ANK2: variants seen among roughly 807,000 people sequenced by gnomAD.
ANK2 encodes the protein ankyrin 2.
Under a neutral mutation model 360.5 loss-of-function variants are expected in ANK2, and 83 were observed. The ratio of observed to expected loss-of-function variants is 0.23; its 90% CI spans 0.19 to 0.28. The LOEUF is 0.28. Ranked by LOEUF, ANK2 falls within the 10% of genes least tolerant of loss-of-function variation. The probability of loss-of-function intolerance (pLI) is 1.00; values close to 1 mark genes in which losing one functional copy is unlikely to be tolerated. For synonymous variants in ANK2, 1,740 were observed against 1,759.5 expected (o/e 0.99, Z 0.28); for missense variants, 4,201 against 4,795.7 (o/e 0.88, Z 3.66).
chr4:112,928,785 C>T (rs1348221740), intron 2 of ANK2, among the ~76,000 whole-genome samples: 1 of 152,034 alleles, frequency 6.6e-6, no homozygotes, highest in Non-Finnish European at 1.5e-5. Flanking sequence ...ACACTTCGAT[C>T]TTGAACTTTT....
the ANK2 span, chr4:112,738,997 G>T: frequency 1.5e-6 from 1 of 668,340 alleles, no homozygotes. Flanking sequence ...ACTGTGCTGA[G>T]GTCGCTCACA....
At chr4:112,877,279 C>G (rs1004355888) in intron 1 of ANK2, among the ~76,000 whole-genome samples, 1 of 152,200 alleles carries the variant, frequency 6.6e-6, no homozygotes, top group African/African-American at 2.4e-5. Context: ...AGAATGCCCA[C>G]CACAATAATT....
chr4:112,731,716 G>T, the ANK2 span, among the ~76,000 whole-genome samples: 1 of 151,504 alleles, frequency 6.6e-6, no homozygotes, highest in Non-Finnish European at 1.5e-5. Context: ...CTGGGCAACA[G>T]AGTGAGACCT....
At chr4:113,209,112 C>T (rs543201720) in intron 4 of ANK2, among the ~76,000 whole-genome samples, 1 of 151,826 alleles carries the variant, frequency 6.6e-6, no homozygotes, top group East Asian at 1.9e-4. Flanking sequence ...AAATAAATGG[C>T]CAGATGATTG....
chr4:112,815,012 C>CT (rs66513268), upstream of ANK2, among the ~76,000 whole-genome samples: 302 of 145,458 alleles, frequency 2.1e-3, 1 homozygote, highest in Middle Eastern at 0.011. Context: ...CAAAAAGACA[C>CT]TTTTTTTTTT....
the ANK2 span, among the ~76,000 whole-genome samples, chr4:112,768,225 A>G: frequency 6.6e-6 from 1 of 152,102 alleles, no homozygotes; most frequent in Non-Finnish European, 1.5e-5. Context: ...AGCATTTGGT[A>G]CTATTGTTCA....
chr4:112,871,886 G>A (rs985360128), intron 1 of ANK2, among the ~76,000 whole-genome samples: 2 of 152,078 alleles, frequency 1.3e-5, no homozygotes, highest in Non-Finnish European at 2.9e-5. Context: ...TGTTGATATG[G>A]CATATTACAT....
the ANK2 span, among the ~76,000 whole-genome samples, chr4:112,749,937 G>A: frequency 6.6e-6 from 1 of 152,002 alleles, no homozygotes; most frequent in Non-Finnish European, 1.5e-5. Flanking sequence ...GTAGAGATGG[G>A]GTTTCACCGT....
chr4:113,325,535 A>G (rs1304138172), intron 26 of ANK2, among the ~76,000 whole-genome samples: 2 of 152,198 alleles, frequency 1.3e-5, no homozygotes, highest in African/African-American at 4.8e-5. Context: ...AGAGCATGGT[A>G]CTTGCTGCAT....
upstream of ANK2, among the ~76,000 whole-genome samples, chr4:113,049,187 A>T (rs1275584129): frequency 6.6e-6 from 1 of 152,218 alleles, no homozygotes; most frequent in African/African-American, 2.4e-5. Flanking sequence ...TTTTAAACCA[A>T]GTGAATGACA....
At chr4:113,256,829 T>G (rs2049684960) in intron 11 of ANK2, among the ~76,000 whole-genome samples, 1 of 152,214 alleles carries the variant, frequency 6.6e-6, no homozygotes, top group Non-Finnish European at 1.5e-5. Context: ...GATAATTACG[T>G]GGGAAGTGAA....
chr4:113,348,019 A>G (rs565226310), intron 35 of ANK2: 1 of 509,114 alleles, frequency 2.0e-6, no homozygotes, highest in East Asian at 3.3e-5. Flanking sequence ...TGCCGTGGTG[A>G]CCTAGTATCT....
At chr4:113,227,256 A>G (rs1296225300) in intron 4 of ANK2, among the ~76,000 whole-genome samples, 1 of 152,138 alleles carries the variant, frequency 6.6e-6, no homozygotes, top group Non-Finnish European at 1.5e-5. Context: ...CATGTTTTGT[A>G]ACAATAAACA....
intron 14 of ANK2, among the ~76,000 whole-genome samples, chr4:113,265,648 TCTTA>T (rs1349848842): frequency 6.6e-6 from 1 of 152,206 alleles, no homozygotes; most frequent in African/African-American, 2.4e-5. Context: ...TGTTTTTAAA[TCTTA>T]CTTTCCAATT....
At chr4:112,992,747 T>C (rs1400033421) in intron 2 of ANK2, among the ~76,000 whole-genome samples, 3 of 152,256 alleles carry the variant, frequency 2.0e-5, no homozygotes, top group East Asian at 3.9e-4. Flanking sequence ...CTAAACTTAA[T>C]CACCTTTCAA....
intron 43 of ANK2, among the ~76,000 whole-genome samples, chr4:113,372,809 G>C (rs993775211): frequency 6.6e-6 from 1 of 152,140 alleles, no homozygotes; most frequent in Non-Finnish European, 1.5e-5. Flanking sequence ...TTTCCTCCAG[G>C]AGAGCCACCA....
intron 13 of ANK2, among the ~76,000 whole-genome samples, chr4:113,259,996 A>G (rs1008444980): frequency 1.3e-5 from 2 of 152,118 alleles, no homozygotes; most frequent in African/African-American, 4.8e-5. Flanking sequence ...TCCAATGCTT[A>G]TAGGATCAGA....
intron 2 of ANK2, among the ~76,000 whole-genome samples, chr4:113,013,107 A>G (rs2055330088): frequency 6.6e-6 from 1 of 152,206 alleles, no homozygotes. Context: ...TCTCAGTGGT[A>G]TTTTAAAGTG....
rs764532145 is a variant in ANK2, at chr4:113,343,041, G to C, written c.4147G>C (p.Val1383Leu). 6 of 1,613,764 alleles carry C rather than the reference G, an allele frequency of 3.7e-6. No homozygotes were observed. Among genetic ancestry groups the C allele is most frequent in the Non-Finnish European group, 5.1e-6 (6 of 1,179,908 alleles). Residue 1383 changes from valine (V) to leucine (L), a missense_variant, in exon 34 of 46, where the codon GTT becomes CTT. Transcript: ENST00000357077. ...GGTGTTAGAAGGAAAACCCATCTAC[G>C]TTGATTGTTTCGGCAACTTGGTACC... ...VEVLEGKPIY[V>L]DCFGNLVPLT... is the part of the protein sequence containing the mutation.
Sources: gnomAD v4.1 joint callset for allele counts (sites outside exome capture counted in the v4.1 genomes callset) on GRCh38, gnomAD v4.1.1 for gene constraint, MANE v1.5 for transcripts, NCBI Gene and HGNC (gene_info 2026-07-23, HGNC 2026-07-21) for gene names.